Variants in BIRC6 observed in about 807,000 individuals in gnomAD.
The protein encoded by BIRC6 is dual E2 ubiquitin-conjugating enzyme/E3 ubiquitin-protein ligase BIRC6.
In BIRC6, 98 loss-of-function variants were observed where a neutral mutation model predicts 503.3. That is an observed-to-expected ratio of 0.19 (90% confidence interval 0.17 to 0.23). The LOEUF (loss-of-function observed/expected upper bound fraction) is 0.23. BIRC6 is among the 10% of genes least tolerant of loss of function. The pLI, the probability that BIRC6 is intolerant of heterozygous loss-of-function variation, is 1.00. For missense variants in BIRC6, 5,360 were observed against 5,806.0 expected, an observed-to-expected ratio of 0.92 and a Z score of 2.50; for synonymous variants, 2,240 against 2,078.7, an observed-to-expected ratio of 1.08 and a Z score of -2.11.
intron 50 of BIRC6, among the ~76,000 whole-genome samples, chr2:32,505,717 A>G (rs538809233): frequency 2.0e-5 from 3 of 152,346 alleles, no homozygotes; most frequent in Non-Finnish European, 4.4e-5. Context: ...GTAATATTGT[A>G]TCATTCGTTT....
rs1302747724 is a variant in BIRC6, at chr2:32,518,916, A to G, written c.11593A>G (p.Thr3865Ala). 4.3e-6 allele frequency: 7 copies of G among 1,613,794 alleles called. No homozygotes were observed. Among genetic ancestry groups the G allele is most frequent in the South Asian group, 2.2e-5 (2 of 91,084 alleles). ...TACTCTTCATTTGCCAGTCTCAACA[A>G]CATTATCAGATGTTCTTGACAGAGT... ...FRTLHLPVSTTLSDVLDRVSD... is the reference protein window; with the variant it reads ...FRTLHLPVSTALSDVLDRVSD... The change falls in exon 57 of 74, where the codon ACA (threonine) becomes GCA (alanine). Residue 3865 changes from threonine to alanine, a missense_variant. Thr to Ala is a moderately conservative substitution (Grantham distance 58, BLOSUM62 0). Coordinates refer to ENST00000421745, the MANE Select transcript of BIRC6 (RefSeq NM_016252.4).
In BIRC6 at chr2:32,487,754, G is replaced by A; in HGVS notation, c.7921G>A (p.Val2641Ile). ...GTTATCATCTGTCCCAATGTTAAAT[G>A]TTTGTTTCAACAAACTTTTTTCCAT... is the stretch of plus-strand genomic sequence containing the variant. ...IQLSSVPMLN[V>I]CFNKLFSMLQ... The change falls in exon 41 of 74, where the codon GTT becomes ATT. Residue 2641 changes from valine (V) to isoleucine (I), a missense_variant. By Grantham distance (29) the Val-to-Ile change is conservative. Transcript: ENST00000421745. The A allele has an allele frequency of 6.2e-7, 1 of 1,613,428 alleles. No homozygotes were observed. Among genetic ancestry groups the A allele is most frequent in the Non-Finnish European group, 8.5e-7 (1 of 1,179,566 alleles).
rs749322153 is a variant in BIRC6, at chr2:32,500,120, A to G, written c.9031+11A>G. 3.2e-6 allele frequency: 5 copies of G among 1,577,218 alleles called. No individual in the cohort carries two copies. Among genetic ancestry groups the G allele is most frequent in the South Asian group, 1.2e-5 (1 of 85,946 alleles). On this transcript the variant is annotated intron_variant, in intron 46 of 73. Transcript: ENST00000421745. The stretch of plus-strand genomic sequence containing the variant: ...TGGCAATGATAATTGGTATGTATTG[A>G]GAATATTAATCTTACCATTGTCTCT...
At position 32,543,292 on chromosome 2, in the gene BIRC6, G is replaced by A. The variant is rs750342488; in HGVS notation, c.12343G>A (p.Asp4115Asn). 3.1e-6 allele frequency: 5 copies of A among 1,613,858 alleles called. No individual in the cohort carries two copies. Among genetic ancestry groups the A allele is most frequent in the East Asian group, 2.2e-5 (1 of 44,902 alleles). Residue 4115 changes from aspartate to asparagine, a missense_variant, in exon 62 of 74, where the codon GAT becomes AAT. By Grantham distance (23) the Asp-to-Asn change is conservative. Around this residue, in one of 16 missense-constraint regions of BIRC6, gnomAD observed 878 missense variants for 928.9 expected, o/e 0.95. Transcript: ENST00000421745. ...CACTCAGGAAAAGCCGAAGGATAGC[G>A]ATCAGTTTGAATGGGTGACCATTGA... Reference protein sequence around the residue: ...STTQEKPKDSDQFEWVTIEQS... With the variant: ...STTQEKPKDSNQFEWVTIEQS...
At chr2:32,446,897 C>G (rs977144012) in intron 21 of BIRC6, among the ~76,000 whole-genome samples, 6 of 125,370 alleles carry the variant, frequency 4.8e-5, no homozygotes, top group African/African-American at 1.8e-4. Flanking sequence ...GAGGACCCTG[C>G]GGCCTTCCGC....
intron 17 of BIRC6, 89 bp from the exon 18 acceptor site, chr2:32,441,970 GAATTAA>G: frequency 1.1e-6 from 1 of 914,210 alleles, no homozygotes; most frequent in Non-Finnish European, 1.6e-6. Flanking sequence ...AGATGTTCAT[GAATTAA>G]AATTAAACAT....
chr2:32,504,472 C>T (rs1207559907), intron 49 of BIRC6, among the ~76,000 whole-genome samples: 1 of 151,658 alleles, frequency 6.6e-6, no homozygotes, highest in Non-Finnish European at 1.5e-5. Context: ...TCGAGACTGT[C>T]CCGGCTAACA....
chr2:32,599,134 GC>G (rs1322829634), intron 69 of BIRC6, among the ~76,000 whole-genome samples: 1 of 150,414 alleles, frequency 6.6e-6, no homozygotes, highest in Non-Finnish European at 1.5e-5. Flanking sequence ...TTCAAGAACA[GC>G]CTGGCTGATG....
chr2:32,602,839 CT>C (rs1247958291), intron 70 of BIRC6, 166 bp from the exon 71 acceptor site: 1 of 499,234 alleles, frequency 2.0e-6, no homozygotes, highest in Non-Finnish European at 3.5e-6. Flanking sequence ...TGAATCACAT[CT>C]GAAGATGCCA....
At chr2:32,467,814 A>T (rs886965375) in intron 27 of BIRC6, 75 bp downstream of exon 27, 6 of 1,442,360 alleles carry the variant, frequency 4.2e-6, no homozygotes, top group African/African-American at 2.9e-5. Flanking sequence ...ATATATAATT[A>T]AAAAATATAA....
At chr2:32,396,996 G>C (rs1053222260) in intron 6 of BIRC6, among the ~76,000 whole-genome samples, 8 of 152,048 alleles carry the variant, frequency 5.3e-5, no homozygotes, top group African/African-American at 1.9e-4. Flanking sequence ...CCGAAGTGTT[G>C]GGATTACAGG....
rs1441556957 is a variant in BIRC6 at position 32,442,069 on chromosome 2, C to G, written c.3949C>G (p.Gln1317Glu). ...KKTSISKERV[Q>E]RCAMLQFSEF... is the part of the protein sequence containing the mutation. ...TTATATTTTCTTTTTTTGTAGAGTGCAACGATGTGCCATGTTACAGTTTTC... is the reference window on the plus strand; with the variant it reads ...TTATATTTTCTTTTTTTGTAGAGTGGAACGATGTGCCATGTTACAGTTTTC... The change falls in exon 18 of 74, where the codon CAA becomes GAA. Residue 1317 changes from glutamine to glutamate, a missense_variant. Gln to Glu is a conservative substitution (Grantham distance 29, BLOSUM62 2). This residue lies in a region of BIRC6 where 2,299 missense variants were observed against 2,267.2 expected (regional missense o/e 1.01). Coordinates refer to ENST00000421745, the MANE Select transcript of BIRC6 (RefSeq NM_016252.4). The G allele has an allele frequency of 6.4e-7, 1 of 1,567,106 alleles. No individual in the cohort carries two copies. Among genetic ancestry groups the G allele is most frequent in the African/African-American group, 1.4e-5 (1 of 72,608 alleles).
chr2:32,556,031 A>G (rs1313885739), intron 65 of BIRC6, among the ~76,000 whole-genome samples: 1 of 152,208 alleles, frequency 6.6e-6, no homozygotes, highest in East Asian at 1.9e-4. Flanking sequence ...AGCAGTACCA[A>G]TAAAAATTAA....
chr2:32,544,489 TTC>T (rs1178378100), intron 62 of BIRC6, among the ~76,000 whole-genome samples: 1 of 148,672 alleles, frequency 6.7e-6, no homozygotes, highest in Non-Finnish European at 1.5e-5. Context: ...TTCTTTCTTC[TTC>T]TTTTTTTTTT....
chr2:32,362,384 C>T (rs1408026463), intron 1 of BIRC6, among the ~76,000 whole-genome samples: 1 of 146,650 alleles, frequency 6.8e-6, no homozygotes, highest in Non-Finnish European at 1.5e-5. Flanking sequence ...GGTGTGATCT[C>T]GGCTCACTGC....
Position 32,566,627 on chromosome 2 carries a change from A to G in BIRC6, c.13145-8529A>G, listed in dbSNP as rs541978962. 3.9e-5 allele frequency among the ~76,000 whole-genome samples: 6 copies of G among 152,308 alleles called. No homozygotes were observed. The South Asian group carries it at 8.3e-4, about 21-fold the overall frequency. ...CCCCAGCCTTCCAAATCCTGGGATT[A>G]TAGGCATGAGCCACTGCATCCAGCT... is the stretch of plus-strand genomic sequence containing the variant. On this transcript the variant is annotated intron_variant, in intron 65 of 73. Coordinates refer to ENST00000421745, the MANE Select transcript of BIRC6 (RefSeq NM_016252.4).
intron 37 of BIRC6, among the ~76,000 whole-genome samples, chr2:32,479,864 A>C (rs1330292711): frequency 6.6e-6 from 1 of 152,228 alleles, no homozygotes; most frequent in Non-Finnish European, 1.5e-5. Flanking sequence ...AAGAAAATGC[A>C]ATGTAGAAAA....
At chr2:32,533,688 C>T (rs186446995) in intron 61 of BIRC6, among the ~76,000 whole-genome samples, 20 of 152,042 alleles carry the variant, frequency 1.3e-4, no homozygotes, top group Admixed American at 3.3e-4. Flanking sequence ...TAAGCATAAG[C>T]GAGGAATAGA....
intron 14 of BIRC6, 111 bp from the exon 15 acceptor site, chr2:32,435,942 G>A (rs2044647436): frequency 1.0e-5 from 6 of 596,112 alleles, no homozygotes; most frequent in African/African-American, 1.9e-5. Context: ...CACATTCTAA[G>A]TATGATATTT....
Sources: gnomAD v4.1 joint callset for allele counts (sites outside exome capture counted in the v4.1 genomes callset) on GRCh38, gnomAD v4.1.1 for gene constraint, gnomAD v4.1.1 regional missense constraint, MANE v1.5 for transcripts, NCBI Gene and HGNC (gene_info 2026-07-23, HGNC 2026-07-21) for gene names.